RALYL: variants seen among roughly 807,000 people sequenced by gnomAD.
The protein encoded by RALYL is RNA-binding Raly-like protein.
Under a neutral mutation model 35.1 loss-of-function variants are expected in RALYL, and 29 were observed. That is an observed-to-expected ratio of 0.83 (90% CI 0.61 to 1.13). The LOEUF (loss-of-function observed/expected upper bound fraction) is 1.13, where lower values mean the gene tolerates loss of function less well. Among genes scored for constraint, RALYL ranks in the 50% most tolerant of loss-of-function variants. The pLI, the probability that RALYL is intolerant of heterozygous loss-of-function variation, is 0.00. For missense variants in RALYL, 359 were observed against 360.4 expected, an observed-to-expected ratio of 1.00 and a Z score of 0.03; for synonymous variants, 120 against 127.6, an observed-to-expected ratio of 0.94 and a Z score of 0.40.
intron 8 of RALYL, among the ~76,000 whole-genome samples, chr8:84,889,582 T>C (rs1843477051): frequency 6.6e-6 from 1 of 152,202 alleles, no homozygotes; most frequent in Admixed American, 6.6e-5. Flanking sequence ...CTTCATCAAA[T>C]ACTAGAGCGT....
At chr8:84,800,126 T>G (rs184375006) in intron 3 of RALYL, among the ~76,000 whole-genome samples, 1 of 152,314 alleles carries the variant, frequency 6.6e-6, no homozygotes, top group Non-Finnish European at 1.5e-5. Context: ...AACATCTGAA[T>G]CCAGGTGAGC....
chr8:84,459,117 T>A (rs1169202865), intron 1 of RALYL, among the ~76,000 whole-genome samples: 1 of 151,798 alleles, frequency 6.6e-6, no homozygotes, highest in Admixed American at 6.6e-5. Flanking sequence ...TTTATAACAT[T>A]TATTGAGTTT....
chr8:84,668,631 TAGAG>T (rs200725189), intron 2 of RALYL, among the ~76,000 whole-genome samples: 2,123 of 152,208 alleles, frequency 0.014, 57 homozygotes, highest in African/African-American at 0.048. Context: ...TGGCATTAAA[TAGAG>T]AGGCATATAT....
chr8:84,552,937 C>T (rs1164898983), intron 2 of RALYL, among the ~76,000 whole-genome samples: 1 of 151,568 alleles, frequency 6.6e-6, no homozygotes, highest in Non-Finnish European at 1.5e-5. Context: ...ATTAAAGATC[C>T]TGAGGTAGGG....
At chr8:84,589,604 A>G (rs1812776442) in intron 2 of RALYL, among the ~76,000 whole-genome samples, 1 of 152,218 alleles carries the variant, frequency 6.6e-6, no homozygotes, top group Admixed American at 6.5e-5. Flanking sequence ...TCAGGAAAAT[A>G]CTTTTAAATA....
At chr8:84,650,877 G>A (rs1422670814) in intron 2 of RALYL, among the ~76,000 whole-genome samples, 4 of 152,046 alleles carry the variant, frequency 2.6e-5, no homozygotes, top group African/African-American at 9.7e-5. Flanking sequence ...ATACACCATG[G>A]AATACTATGC....
At chr8:84,192,459 G>A (rs963783865) in intron 1 of RALYL, among the ~76,000 whole-genome samples, 3 of 152,044 alleles carry the variant, frequency 2.0e-5, no homozygotes, top group African/African-American at 4.8e-5. Flanking sequence ...GTAGAATTGG[G>A]AAATTTTTCA....
At chr8:84,718,087 A>G (rs1308124535) in intron 2 of RALYL, among the ~76,000 whole-genome samples, 2 of 152,158 alleles carry the variant, frequency 1.3e-5, no homozygotes, top group African/African-American at 4.8e-5. Flanking sequence ...AAATAATAGA[A>G]TTCTTTTTGT....
rs1156731592 is a variant in RALYL at position 84,913,033 on chromosome 8, T to C, written c.859-7861T>C. Among the ~76,000 whole-genome samples the C allele has an allele frequency of 1.0e-4, 6 of 58,970 alleles. No individual in the cohort carries two copies. In the East Asian group the frequency reaches 2.1e-3, roughly 21 times the overall value. The allele number at this position is 58,970 out of a possible 152,430, so 38.7% of individuals were successfully genotyped here. A position where few individuals can be genotyped will look rare whatever the true frequency, so the allele number is the denominator to read the frequency against. Reference sequence around the variant, plus strand: ...ATGGATGGATGGATGGATGGATGGATAGGTAGGTAGATAGATAGATAGATA... The same window carrying C: ...ATGGATGGATGGATGGATGGATGGACAGGTAGGTAGATAGATAGATAGATA... On this transcript the variant is annotated intron_variant, in intron 8 of 8. Coordinates refer to ENST00000521268, the MANE Select transcript of RALYL (RefSeq NM_173848.7).
intron 2 of RALYL, among the ~76,000 whole-genome samples, chr8:84,720,111 A>G (rs1366102420): frequency 2.0e-5 from 3 of 152,072 alleles, no homozygotes; most frequent in African/African-American, 7.2e-5. Context: ...TTTTATGGCT[A>G]AATAATATTC....
intron 1 of RALYL, among the ~76,000 whole-genome samples, chr8:84,219,882 G>A (rs980059322): frequency 1.3e-5 from 2 of 151,954 alleles, no homozygotes; most frequent in African/African-American, 4.8e-5. Context: ...TAGATAGATA[G>A]TTAGAAATGA....
chr8:84,611,241 G>A (rs1308199632), intron 2 of RALYL, among the ~76,000 whole-genome samples: 4 of 152,190 alleles, frequency 2.6e-5, no homozygotes, highest in Non-Finnish European at 5.9e-5. Flanking sequence ...TTTGATTGAT[G>A]AAAGTGTCAT....
rs1007879943 is a variant in RALYL, at chr8:84,287,237, G to C, written c.-24+102813G>C. ...TATGATAGGCTAAACAATTTAATTT[G>C]GATAATAAAATGGTGAGGGTGAGTT... On this transcript the variant is annotated intron_variant, in intron 1 of 8. Coordinates refer to ENST00000521268, the MANE Select transcript of RALYL (RefSeq NM_173848.7). 3.3e-5 allele frequency among the ~76,000 whole-genome samples: 5 copies of C among 152,130 alleles called. 1 individual carries two copies.
chr8:84,264,006 T>C (rs1586634383), intron 1 of RALYL, among the ~76,000 whole-genome samples: 2 of 152,152 alleles, frequency 1.3e-5, no homozygotes, highest in South Asian at 4.1e-4. Context: ...TCTTTATCCA[T>C]TCTATCATTG....
intron 1 of RALYL, among the ~76,000 whole-genome samples, chr8:84,245,198 G>T (rs1828818243): frequency 6.6e-6 from 1 of 152,128 alleles, no homozygotes; most frequent in African/African-American, 2.4e-5. Flanking sequence ...TCTAGAGAGG[G>T]ACGCTGTTTC....
At chr8:84,294,369 A>T (rs574108212) in intron 1 of RALYL, among the ~76,000 whole-genome samples, 33 of 152,268 alleles carry the variant, frequency 2.2e-4, no homozygotes, top group African/African-American at 7.7e-4. Context: ...GATGATTTTT[A>T]TACATGGATT....
chr8:84,798,772 CT>C (rs1822514955), intron 3 of RALYL, among the ~76,000 whole-genome samples: 1 of 152,186 alleles, frequency 6.6e-6, no homozygotes, highest in Non-Finnish European at 1.5e-5. Flanking sequence ...AAGCTCTAGT[CT>C]TTCAAAAGCT....
chr8:84,384,987 G>A (rs1305698865), intron 1 of RALYL, among the ~76,000 whole-genome samples: 2 of 151,774 alleles, frequency 1.3e-5, no homozygotes, highest in East Asian at 2.0e-4. Context: ...GCATAATAAT[G>A]GCAATAAGAT....
At chr8:84,753,331 C>A (rs1168469571) in intron 2 of RALYL, among the ~76,000 whole-genome samples, 1 of 152,124 alleles carries the variant, frequency 6.6e-6, no homozygotes, top group Non-Finnish European at 1.5e-5. Flanking sequence ...GGCTCATAGG[C>A]AGAAGGGACT....
Sources: allele counts gnomAD v4.1 joint callset (sites outside exome capture counted in the v4.1 genomes callset), GRCh38; gene constraint gnomAD v4.1.1; transcripts MANE v1.5; gene names NCBI Gene and HGNC (gene_info 2026-07-23, HGNC 2026-07-21).